Variants in CLOCK observed in about 807,000 individuals in gnomAD.
CLOCK encodes the protein circadian locomoter output cycles protein kaput.
Under a neutral mutation model 118.4 loss-of-function variants are expected in CLOCK, and 43 were observed. The ratio of observed to expected loss-of-function variants is 0.36; its 90% CI spans 0.28 to 0.47. The LOEUF (loss-of-function observed/expected upper bound fraction) is 0.47, where lower values mean the gene tolerates loss of function less well. Ranked by LOEUF, CLOCK falls within the 20% of genes least tolerant of loss-of-function variation. CLOCK has a pLI of 1.00. For synonymous variants in CLOCK, 326 were observed against 339.2 expected, an observed-to-expected ratio of 0.96 and a Z score of 0.43; for missense variants, 846 against 999.9, an observed-to-expected ratio of 0.85 and a Z score of 2.08.
At chr4:55,544,619 T>A (rs1289964135) in intron 1 of CLOCK, among the ~76,000 whole-genome samples, 1 of 152,210 alleles carries the variant, frequency 6.6e-6, no homozygotes, top group African/African-American at 2.4e-5. Flanking sequence ...AAAGCAATCA[T>A]ATTGAAAATG....
At position 55,442,439 on chromosome 4, in the gene CLOCK, G is replaced by T. The variant is rs1293038946; in HGVS notation, c.2098C>A (p.Gln700Lys). 1.2e-6 allele frequency: 2 copies of T among 1,607,940 alleles called. No homozygotes were observed. Among genetic ancestry groups the T allele is most frequent in the Non-Finnish European group, 1.7e-6 (2 of 1,177,420 alleles). ...AAVTTFTQDRQIRFSQGQQLV... is the reference protein window; with the variant it reads ...AAVTTFTQDRKIRFSQGQQLV... ...ATGAAATATGACAACTACCTTATCT[G>T]CCTGTCCTGAGTGAATGTAGTTACT... is the stretch of plus-strand genomic sequence containing the variant. The change falls in exon 21 of 23, where the codon CAG (glutamine) becomes AAG (lysine). Residue 700 changes from glutamine to lysine, a missense_variant. This residue lies in a region of CLOCK where 520 missense variants were observed against 558.0 expected (regional missense o/e 0.93). Transcript: ENST00000513440.
rs145257459 is a variant in CLOCK at position 55,477,256 on chromosome 4, G to A, written c.257-1202C>T. Among the ~76,000 whole-genome samples the A allele has an allele frequency of 2.7e-3, 415 of 151,844 alleles. 4 individuals carry two copies. Among genetic ancestry groups the A allele is most frequent in the African/African-American group, 9.3e-3 (386 of 41,444 alleles). ...ATGCCACAATTCATCCTCTATTGAC[G>A]GGGAAATATATGCATTTCATTTCAT... is the stretch of plus-strand genomic sequence containing the variant. On this transcript the variant is annotated intron_variant, in intron 6 of 22. Coordinates refer to ENST00000513440, the MANE Select transcript of CLOCK (RefSeq NM_004898.4).
intron 3 of CLOCK, among the ~76,000 whole-genome samples, chr4:55,483,642 A>C (rs1271672512): frequency 6.6e-6 from 1 of 152,242 alleles, no homozygotes; most frequent in Non-Finnish European, 1.5e-5. Context: ...CAATTTGTAA[A>C]GGCACAGGCC....
At chr4:55,477,373 T>C (rs1726586501) in intron 6 of CLOCK, among the ~76,000 whole-genome samples, 1 of 152,050 alleles carries the variant, frequency 6.6e-6, no homozygotes, top group Admixed American at 6.6e-5. Context: ...TGAGATACTA[T>C]CTGTAGAGGT....
At chr4:55,470,048 A>C (rs1726023374) in intron 8 of CLOCK, among the ~76,000 whole-genome samples, 1 of 152,244 alleles carries the variant, frequency 6.6e-6, no homozygotes, top group Non-Finnish European at 1.5e-5. Context: ...AAGTTATAAT[A>C]AGCTAAGGCT....
At chr4:55,440,870 A>G (rs1723311366) in intron 21 of CLOCK, among the ~76,000 whole-genome samples, 3 of 152,122 alleles carry the variant, frequency 2.0e-5, no homozygotes, top group Admixed American at 2.0e-4. Flanking sequence ...GCCAAGCTCA[A>G]GTCTTGAAGA....
At chr4:55,441,225 C>A (rs940784285) in intron 21 of CLOCK, among the ~76,000 whole-genome samples, 1 of 152,142 alleles carries the variant, frequency 6.6e-6, no homozygotes, top group African/African-American at 2.4e-5. Flanking sequence ...TTAAATATCA[C>A]CTTACCCAGC....
At chr4:55,459,836 A>AT (rs1412779192) in intron 9 of CLOCK, among the ~76,000 whole-genome samples, 1 of 151,822 alleles carries the variant, frequency 6.6e-6, no homozygotes, top group Non-Finnish European at 1.5e-5. Context: ...CTAATTTTTA[A>AT]TTTTTTATAG....
chr4:55,438,202 A>G, intron 22 of CLOCK, 80 bp downstream of exon 22: 1 of 1,517,726 alleles, frequency 6.6e-7, no homozygotes, highest in East Asian at 2.3e-5. Context: ...CACATCACTC[A>G]CAAATCTGTT....
chr4:55,536,401 T>C (rs1008789532), intron 1 of CLOCK, among the ~76,000 whole-genome samples: 4 of 152,128 alleles, frequency 2.6e-5, no homozygotes, highest in Admixed American at 6.5e-5. Context: ...TTGGGCCCAG[T>C]AGGAGGCAAC....
chr4:55,459,608 G>C (rs767365892), intron 9 of CLOCK, among the ~76,000 whole-genome samples: 10 of 151,940 alleles, frequency 6.6e-5, no homozygotes, highest in Admixed American at 5.2e-4. Flanking sequence ...TTTTCTCTAG[G>C]ACCCGGGCCA....
intron 8 of CLOCK, among the ~76,000 whole-genome samples, chr4:55,466,200 G>A (rs1216718401): frequency 1.3e-5 from 2 of 152,064 alleles, no homozygotes; most frequent in Non-Finnish European, 2.9e-5. Context: ...TCGTGATAGT[G>A]AGTGAGTTTT....
chr4:55,441,665 G>A (rs1577676870), intron 21 of CLOCK, among the ~76,000 whole-genome samples: 1 of 152,214 alleles, frequency 6.6e-6, no homozygotes, highest in African/African-American at 2.4e-5. Context: ...TCACTTGTAA[G>A]TGGGAGCTAA....
intron 2 of CLOCK, among the ~76,000 whole-genome samples, chr4:55,506,518 C>T (rs1324795103): frequency 6.6e-6 from 1 of 151,908 alleles, no homozygotes; most frequent in Non-Finnish European, 1.5e-5. Flanking sequence ...ATACATAAAT[C>T]TTCCTATTCA....
intron 8 of CLOCK, among the ~76,000 whole-genome samples, chr4:55,467,517 C>CA (rs1358771626): frequency 1.3e-5 from 2 of 152,174 alleles, no homozygotes; most frequent in African/African-American, 4.8e-5. Flanking sequence ...TGCCAAGAAG[C>CA]AGGCTTTGAG....
chr4:55,485,350 T>G (rs1435054202), intron 3 of CLOCK, among the ~76,000 whole-genome samples: 2 of 152,172 alleles, frequency 1.3e-5, no homozygotes, highest in Admixed American at 6.5e-5. Flanking sequence ...AAGGAGTAAG[T>G]AAAATAGGCT....
chr4:55,448,251 G>T (rs17085739), intron 18 of CLOCK, among the ~76,000 whole-genome samples: 6,574 of 152,128 alleles, frequency 0.043, 453 homozygotes, highest in African/African-American at 0.15. Flanking sequence ...TACACACAAA[G>T]AACTCAATAA....
At chr4:55,485,572 C>T (rs1727247496) in intron 3 of CLOCK, among the ~76,000 whole-genome samples, 1 of 152,018 alleles carries the variant, frequency 6.6e-6, no homozygotes, top group South Asian at 2.1e-4. Context: ...TGCCATGCCA[C>T]TTCCCTACAC....
At position 55,534,698 on chromosome 4, in the gene CLOCK, A is replaced by G. The variant is rs549774272; in HGVS notation, c.-290+12084T>C. On this transcript the variant is annotated intron_variant, in intron 1 of 22. Coordinates refer to ENST00000513440, the MANE Select transcript of CLOCK (RefSeq NM_004898.4). ...GACAGAATAGTAGCTGGCACAGAACAGAATGCTCAATAAATACTTGCTGAA... is the reference window on the plus strand; with the variant it reads ...GACAGAATAGTAGCTGGCACAGAACGGAATGCTCAATAAATACTTGCTGAA... Among the ~76,000 whole-genome samples, 4 of 152,316 alleles carry G rather than the reference A, an allele frequency of 2.6e-5. No homozygotes were observed. In the South Asian group the frequency reaches 6.2e-4, roughly 24 times the overall value.
Sources: gnomAD v4.1 joint callset for allele counts (sites outside exome capture counted in the v4.1 genomes callset) on GRCh38, gnomAD v4.1.1 for gene constraint, gnomAD v4.1.1 regional missense constraint, MANE v1.5 for transcripts, NCBI Gene and HGNC (gene_info 2026-07-23, HGNC 2026-07-21) for gene names.